SMNDC1: variants seen among roughly 807,000 people sequenced by gnomAD.
The protein encoded by SMNDC1 is survival of motor neuron-related-splicing factor 30.
Under a neutral mutation model 29.2 loss-of-function variants are expected in SMNDC1, and 5 were observed. The ratio of observed to expected loss-of-function variants is 0.17; its 90% CI spans 0.09 to 0.36. The LOEUF (loss-of-function observed/expected upper bound fraction) is 0.36, where lower values mean the gene tolerates loss of function less well. SMNDC1 is among the 10% of genes least tolerant of loss of function. The pLI, the probability that SMNDC1 is intolerant of heterozygous loss-of-function variation, is 1.00. For synonymous variants in SMNDC1, 80 were observed against 89.9 expected, an observed-to-expected ratio of 0.89 and a Z score of 0.62; for missense variants, 142 against 268.5, an observed-to-expected ratio of 0.53 and a Z score of 3.29.
chr10:110,294,001 T>C lies in SMNDC1; in HGVS notation c.*149A>G, dbSNP rs1035047120. On this transcript the variant is annotated 3_prime_UTR_variant, in exon 6 of 6. Transcript: ENST00000369603. ...AATGAATAGCAGTTATCAAATGCAA[T>C]TTCTTCACGTTTCATTCTACTGAAG... The C allele has an allele frequency of 1.8e-5, 10 of 562,314 alleles. No individual in the cohort carries two copies. Among genetic ancestry groups the C allele is most frequent in the East Asian group, 6.6e-5 (2 of 30,320 alleles). The allele number at this position is 562,314 out of a possible 1,614,324, so 34.8% of individuals were successfully genotyped here.
At chr10:110,295,164 TTTAAAG>T in intron 5 of SMNDC1, 58 bp downstream of exon 5, 2 of 1,441,938 alleles carry the variant, frequency 1.4e-6, no homozygotes, top group Non-Finnish European at 1.9e-6. Flanking sequence ...CTCTTTTCAT[TTTAAAG>T]TTATTTTAAT....
At chr10:110,295,553 G>GT (rs1857552770) in intron 4 of SMNDC1, among the ~76,000 whole-genome samples, 172 bp from the exon 5 acceptor site, 2 of 150,862 alleles carry the variant, frequency 1.3e-5, no homozygotes, top group African/African-American at 4.9e-5. Context: ...ACTAAGAAAT[G>GT]TTTTTTTAAA....
intron 2 of SMNDC1, among the ~76,000 whole-genome samples, chr10:110,299,855 T>G (rs912647534): frequency 2.6e-5 from 4 of 152,202 alleles, no homozygotes; most frequent in Non-Finnish European, 5.9e-5. Context: ...CTGAAAAAAC[T>G]AATATTTGAG....
Position 110,304,804 on chromosome 10 carries a change from G to A in SMNDC1, c.-57C>T, listed in dbSNP as rs1243385791. On this transcript the variant is annotated 5_prime_UTR_variant, in exon 1 of 6. Transcript: ENST00000369603. ...AGGGGTCGGGGCAAATGAGCCCAGTGGTAGTGGCGGTGGCAGCAGCAGCAG... is the reference window on the plus strand; with the variant it reads ...AGGGGTCGGGGCAAATGAGCCCAGTAGTAGTGGCGGTGGCAGCAGCAGCAG... 6.5e-6 allele frequency: 1 copy of A among 153,484 alleles called. No individual in the cohort carries two copies. The highest frequency in any genetic ancestry group is 1.4e-5 in the Non-Finnish European group (1 of 69,072). 9.5% of individuals were successfully genotyped at this position (153,484 alleles called of 1,614,324 possible).
intron 3 of SMNDC1, 93 bp downstream of exon 3, chr10:110,298,555 A>T: frequency 9.4e-7 from 1 of 1,060,608 alleles, no homozygotes; most frequent in Non-Finnish European, 1.3e-6. Flanking sequence ...AGAAGTCAAG[A>T]TTAAAATAGG....
rs750361563 is a variant in SMNDC1, at chr10:110,303,463, C to T, written c.120+5G>A. On this transcript the variant is annotated splice_donor_5th_base_variant and intron_variant, in intron 2 of 5. Transcript: ENST00000369603. ...GAAAAAGTACAATTGTCTACCCATA[C>T]TTACTTGTAAATCTTTCTTCAATTT... 5 of 1,578,516 alleles carry T rather than the reference C, an allele frequency of 3.2e-6. No homozygotes were observed. The highest frequency in any genetic ancestry group is 2.0e-5 in the Admixed American group (1 of 49,996).
intron 2 of SMNDC1, 42 bp from the exon 3 acceptor site, chr10:110,298,832 T>A: frequency 6.7e-7 from 1 of 1,497,690 alleles, no homozygotes. Flanking sequence ...TTTTTATAAT[T>A]CTCATTGTCA....
At chr10:110,295,925 A>G (rs1430558266) in intron 4 of SMNDC1, among the ~76,000 whole-genome samples, 1 of 152,208 alleles carries the variant, frequency 6.6e-6, no homozygotes, top group African/African-American at 2.4e-5. Flanking sequence ...TACAGGCTTG[A>G]GCCACTGCGC....
rs746804180 is a variant in SMNDC1, at chr10:110,293,305, G to T, written c.*845C>A. On this transcript the variant is annotated 3_prime_UTR_variant, in exon 6 of 6. Coordinates refer to ENST00000369603, the MANE Select transcript of SMNDC1 (RefSeq NM_005871.4). ...TCAGATTAATGCACAAGAAATACAA[G>T]AAATTTTTAATGATGAAATATTCAG... 1 of 152,410 alleles carries T rather than the reference G, an allele frequency of 6.6e-6. No individual in the cohort carries two copies. Among genetic ancestry groups the T allele is most frequent in the Non-Finnish European group, 1.5e-5 (1 of 67,982 alleles). 9.4% of individuals were successfully genotyped at this position (152,410 alleles called of 1,614,324 possible). A position where few individuals can be genotyped will look rare whatever the true frequency, so the allele number is the denominator to read the frequency against.
At chr10:110,301,597 C>T (rs2134503947) in intron 2 of SMNDC1, among the ~76,000 whole-genome samples, 1 of 152,316 alleles carries the variant, frequency 6.6e-6, no homozygotes, top group South Asian at 2.1e-4. Flanking sequence ...ACTAAAAACT[C>T]AGCTCCTAAG....
chr10:110,295,412 T>TA, intron 4 of SMNDC1, 31 bp from the exon 5 acceptor site: 1 of 1,549,080 alleles, frequency 6.5e-7, no homozygotes, highest in East Asian at 2.3e-5. Flanking sequence ...TGTCAACTGT[T>TA]AAGACTTATC....
In SMNDC1 at chr10:110,297,702, A is replaced by C. The variant is rs777863988; in HGVS notation, c.290T>G (p.Ile97Arg). The change falls in exon 4 of 6, where the codon ATA becomes AGA. Residue 97 changes from isoleucine (I) to arginine (R), a missense_variant. By Grantham distance (97) the Ile-to-Arg change is moderately conservative (BLOSUM62 -3). This residue lies in a region of SMNDC1 where 65 missense variants were observed against 75.9 expected (regional missense o/e 0.86). Transcript: ENST00000369603. ...GQCYEAEIEE[I>R]DEENGTAAIT... ...TGCAGCGGTGCCATTTTCTTCATCT[A>C]TCTCCTCAATCTCCGCTTCATAACA... The C allele has an allele frequency of 6.2e-7, 1 of 1,613,736 alleles. No homozygotes were observed. Among genetic ancestry groups the C allele is most frequent in the African/African-American group, 1.3e-5 (1 of 74,874 alleles).
chr10:110,299,669 T>C (rs778082489), intron 2 of SMNDC1, among the ~76,000 whole-genome samples: 13 of 152,228 alleles, frequency 8.5e-5, no homozygotes, highest in Admixed American at 2.0e-4. Flanking sequence ...TGTTCACCCA[T>C]TGTTGCATTT....
chr10:110,298,514 C>G (rs1246590749), intron 3 of SMNDC1, 134 bp downstream of exon 3: 1 of 655,522 alleles, frequency 1.5e-6, no homozygotes, highest in Admixed American at 3.0e-5. Context: ...ACCCAAGAAT[C>G]AAATTGGCTC....
At chr10:110,301,967 CT>C (rs1278237158) in intron 2 of SMNDC1, among the ~76,000 whole-genome samples, 1 of 151,980 alleles carries the variant, frequency 6.6e-6, no homozygotes, top group Non-Finnish European at 1.5e-5. Context: ...CCACTCCCAA[CT>C]TCCCCAACCC....
chr10:110,297,830 A>G, intron 3 of SMNDC1, 102 bp from the exon 4 acceptor site: 1 of 1,003,898 alleles, frequency 1.0e-6, no homozygotes. Flanking sequence ...TCTATAATGA[A>G]ACTTCTATAA....
chr10:110,296,947 T>C (rs1181840155), intron 4 of SMNDC1, among the ~76,000 whole-genome samples: 2 of 152,224 alleles, frequency 1.3e-5, no homozygotes, highest in Non-Finnish European at 2.9e-5. Flanking sequence ...AACCCAATAA[T>C]GTACTGCCCC....
At chr10:110,303,834 A>G (rs547998701) in intron 1 of SMNDC1, 36 of 406,180 alleles carry the variant, frequency 8.9e-5, no homozygotes, top group Admixed American at 7.0e-4. Context: ...ATACAGATAC[A>G]AAGAAATTTC....
At chr10:110,294,746 T>C (rs905443294) in intron 5 of SMNDC1, among the ~76,000 whole-genome samples, 5 of 152,244 alleles carry the variant, frequency 3.3e-5, no homozygotes, top group Non-Finnish European at 7.3e-5. Context: ...AAGGGCTACC[T>C]TGATGGCAGT....
Sources: allele counts gnomAD v4.1 joint callset (sites outside exome capture counted in the v4.1 genomes callset), GRCh38; gene constraint gnomAD v4.1.1; regional missense constraint gnomAD v4.1.1; transcripts MANE v1.5; gene names NCBI Gene and HGNC (gene_info 2026-07-23, HGNC 2026-07-21).